Variants in THSD7A observed in about 807,000 individuals in gnomAD.
THSD7A encodes the protein thrombospondin type-1 domain-containing protein 7A.
In THSD7A, 96 loss-of-function variants were observed where a neutral mutation model predicts 231.3. The ratio of observed to expected loss-of-function variants is 0.41; its 90% confidence interval spans 0.35 to 0.49. The LOEUF (loss-of-function observed/expected upper bound fraction) is 0.49. Among genes scored for constraint, THSD7A ranks in the 20% least tolerant of loss-of-function variants. The pLI is 0.05. For missense variants in THSD7A, 2,290 were observed against 2,070.2 expected, an observed-to-expected ratio of 1.11 and a Z score of -2.06; for synonymous variants, 940 against 743.3, an observed-to-expected ratio of 1.26 and a Z score of -4.30.
intron 2 of THSD7A, among the ~76,000 whole-genome samples, chr7:11,629,170 A>T (rs1342078424): frequency 6.6e-6 from 1 of 152,186 alleles, no homozygotes; most frequent in Non-Finnish European, 1.5e-5. Flanking sequence ...TCCAATGAGA[A>T]AGAAGGCTCA....
In THSD7A at chr7:11,481,856, C is replaced by T; in HGVS notation, c.1949G>A (p.Cys650Tyr). ...TTTCCCTTCTGTCGTTTTCCCTGAG[C>T]AGGTGTGTGAGCAGGAGGACCACGT... ...WSTWSSCSHT[C>Y]SGKTTEGKQI... is the part of the protein sequence containing the mutation. Residue 650 changes from cysteine (C) to tyrosine (Y), a missense_variant, in exon 7 of 28, where the codon TGC becomes TAC. Transcript: ENST00000423059. The T allele has an allele frequency of 6.2e-7, 1 of 1,613,674 alleles. No individual in the cohort carries two copies.
chr7:11,405,387 A>G (rs1161167395), intron 22 of THSD7A, among the ~76,000 whole-genome samples: 3 of 152,138 alleles, frequency 2.0e-5, no homozygotes, highest in Non-Finnish European at 4.4e-5. Context: ...ATTCAAAAGA[A>G]AATATTGTGA....
chr7:11,461,179 A>C (rs1260686245), intron 10 of THSD7A, among the ~76,000 whole-genome samples: 1 of 152,200 alleles, frequency 6.6e-6, no homozygotes, highest in Non-Finnish European at 1.5e-5. Flanking sequence ...TTGTAGGAGT[A>C]TCTCAGCAAC....
At chr7:11,530,293 G>A (rs1486342320) in intron 6 of THSD7A, among the ~76,000 whole-genome samples, 1 of 152,142 alleles carries the variant, frequency 6.6e-6, no homozygotes, top group East Asian at 1.9e-4. Context: ...GTGCAATTTG[G>A]TGTCATGCTT....
At chr7:11,706,795 T>A (rs935346119) in intron 1 of THSD7A, among the ~76,000 whole-genome samples, 11 of 150,562 alleles carry the variant, frequency 7.3e-5, no homozygotes, top group Non-Finnish European at 1.0e-4. Flanking sequence ...CAGAAAATCA[T>A]TAAAGTACAT....
In THSD7A at chr7:11,478,033, A is replaced by T. The variant is rs1341377511; in HGVS notation, c.2018-3465T>A. On this transcript the variant is annotated intron_variant, in intron 7 of 27. Coordinates refer to ENST00000423059, the MANE Select transcript of THSD7A (RefSeq NM_015204.3). ...CAGAGTGTACTAGTTTTCTTTCCTA[A>T]CATATTTGCAACTCTCTTCTCCAGC... 2.0e-5 allele frequency among the ~76,000 whole-genome samples: 3 copies of T among 152,118 alleles called. No individual in the cohort carries two copies. The East Asian group carries it at 5.8e-4, about 29-fold the overall frequency.
chr7:11,755,750 T>C lies in THSD7A; in HGVS notation c.190+76007A>G, dbSNP rs575873857. Among the ~76,000 whole-genome samples the C allele has an allele frequency of 5.3e-5, 8 of 152,230 alleles. No homozygotes were observed. In the South Asian group the frequency reaches 1.7e-3, roughly 32 times the overall value. The stretch of plus-strand genomic sequence containing the variant: ...AGACCAGGGGAAGGGTTGTTCATTT[T>C]GCTTGTTTTAGTATGAAGTTAGACA... On this transcript the variant is annotated intron_variant, in intron 1 of 27. Coordinates refer to ENST00000423059, the MANE Select transcript of THSD7A (RefSeq NM_015204.3).
intron 1 of THSD7A, among the ~76,000 whole-genome samples, chr7:11,655,271 T>G (rs79696184): frequency 0.065 from 9,934 of 151,996 alleles, 371 homozygotes; most frequent in East Asian, 0.13. Context: ...TTTGTTAGGA[T>G]CCACAAGTAT....
At chr7:11,410,959 G>A (rs970173846) in intron 19 of THSD7A, among the ~76,000 whole-genome samples, 7 of 151,782 alleles carry the variant, frequency 4.6e-5, no homozygotes, top group African/African-American at 1.5e-4. Flanking sequence ...TGTTCCCCAA[G>A]CATTTCTTTC....
chr7:11,763,505 C>T (rs969367513), intron 1 of THSD7A, among the ~76,000 whole-genome samples: 3 of 152,236 alleles, frequency 2.0e-5, no homozygotes, highest in Non-Finnish European at 2.9e-5. Context: ...TCTATATACA[C>T]ATACACATAA....
At chr7:11,390,204 G>A (rs1224731579) in intron 23 of THSD7A, among the ~76,000 whole-genome samples, 1 of 150,588 alleles carries the variant, frequency 6.6e-6, no homozygotes, top group Admixed American at 6.6e-5. Flanking sequence ...ATCCTGAAGA[G>A]TGTTTTCCAT....
At chr7:11,615,341 C>A (rs937309543) in intron 2 of THSD7A, among the ~76,000 whole-genome samples, 27 of 152,128 alleles carry the variant, frequency 1.8e-4, no homozygotes, top group Admixed American at 1.2e-3. Flanking sequence ...TGAGCAGAGG[C>A]ATATGACCTC....
In THSD7A at chr7:11,636,549, A is replaced by G; in HGVS notation, c.603T>C (p.Ser201=). 2 of 1,614,004 alleles carry G rather than the reference A, an allele frequency of 1.2e-6. No individual in the cohort carries two copies. Among genetic ancestry groups the G allele is most frequent in the African/African-American group, 1.3e-5 (1 of 75,052 alleles). The change falls in exon 2 of 28, where the codon TCT becomes TCC. Residue 201 remains serine (S), a synonymous_variant. Transcript: ENST00000423059. This position sits in a 1 kb window ranked among gnomAD's most constrained non-coding sequence, Gnocchi z 10.0. ...CQQDCIVSEF[S]AWSECSKTCG... is the part of the protein sequence containing the mutation. The stretch of plus-strand genomic sequence containing the variant: ...AGGTCTTGGAGCATTCGGACCAGGC[A>G]GAAAATTCAGACACGATGCAATCTT...
intron 6 of THSD7A, among the ~76,000 whole-genome samples, chr7:11,530,834 A>G (rs541685234): frequency 6.6e-6 from 1 of 152,210 alleles, no homozygotes; most frequent in South Asian, 2.1e-4. Flanking sequence ...AATACAGTGA[A>G]GCCTGGTCTC....
At chr7:11,668,317 CTG>C (rs776137028) in intron 1 of THSD7A, among the ~76,000 whole-genome samples, 3 of 151,992 alleles carry the variant, frequency 2.0e-5, no homozygotes, top group Non-Finnish European at 4.4e-5. Flanking sequence ...TCTCGGGAGA[CTG>C]AGGCAGGACA....
At chr7:11,578,025 C>T (rs1481295521) in intron 4 of THSD7A, among the ~76,000 whole-genome samples, 1 of 152,082 alleles carries the variant, frequency 6.6e-6, no homozygotes, top group Non-Finnish European at 1.5e-5. Flanking sequence ...AAGAAAGGGA[C>T]AATTTTGTAT....
chr7:11,515,871 G>T (rs6954624), intron 6 of THSD7A, among the ~76,000 whole-genome samples: 1 of 152,074 alleles, frequency 6.6e-6, no homozygotes, highest in African/African-American at 2.4e-5. Flanking sequence ...GTACTGCTTT[G>T]GCTAAGTGAG....
chr7:11,573,283 C>T (rs1290284198), intron 4 of THSD7A, among the ~76,000 whole-genome samples: 1 of 152,188 alleles, frequency 6.6e-6, no homozygotes, highest in East Asian at 1.9e-4. Context: ...CAAACTCTGG[C>T]CAAGGATTCA....
chr7:11,756,965 G>A (rs1027195416), intron 1 of THSD7A, among the ~76,000 whole-genome samples: 6 of 151,944 alleles, frequency 3.9e-5, no homozygotes, highest in African/African-American at 1.4e-4. Context: ...AGTGAGTTTA[G>A]ATTTTATTCA....
Sources: allele counts gnomAD v4.1 joint callset (sites outside exome capture counted in the v4.1 genomes callset), GRCh38; gene constraint gnomAD v4.1.1; non-coding constraint Gnocchi (gnomAD v3.1); transcripts MANE v1.5; gene names NCBI Gene and HGNC (gene_info 2026-07-23, HGNC 2026-07-21).